Variants in IRS1 observed in about 807,000 individuals in gnomAD.
IRS1 encodes the protein insulin receptor substrate 1.
In IRS1, 34 loss-of-function variants were observed where a neutral mutation model predicts 65.6. That is an observed-to-expected ratio of 0.52 (90% confidence interval 0.39 to 0.69). The LOEUF (loss-of-function observed/expected upper bound fraction) is 0.69, where lower values mean the gene tolerates loss of function less well. IRS1 is among the 30% of genes least tolerant of loss of function. IRS1 has a pLI of 0.00. For synonymous variants in IRS1, 699 were observed against 683.5 expected, an observed-to-expected ratio of 1.02 and a Z score of -0.35; for missense variants, 1,641 against 1,720.2, an observed-to-expected ratio of 0.95 and a Z score of 0.81.
At chr2:226,764,034 C>A (rs1456378277) in intron 1 of IRS1, among the ~76,000 whole-genome samples, 1 of 151,884 alleles carries the variant, frequency 6.6e-6, no homozygotes, top group Non-Finnish European at 1.5e-5. Flanking sequence ...CTCTGTAGTT[C>A]ATGCCAAATG....
chr2:226,792,846 T>TTG (rs1173888507), intron 1 of IRS1, among the ~76,000 whole-genome samples: 1 of 151,924 alleles, frequency 6.6e-6, no homozygotes, highest in African/African-American at 2.4e-5. Context: ...AATAACATCT[T>TTG]TGGACTCAAC....
In IRS1 at chr2:226,731,500, A is replaced by G. The variant is rs1938220810; in HGVS notation, c.*4772T>C. On this transcript the variant is annotated 3_prime_UTR_variant, in exon 2 of 2. Transcript: ENST00000305123. ...AAATTGAAAATAAGCATAACACTAT[A>G]AAGAAAACTTGGAAAAGTGAAACAC... 6.6e-6 allele frequency: 1 copy of G among 152,218 alleles called. No homozygotes were observed. Among genetic ancestry groups the G allele is most frequent in the East Asian group, 1.9e-4 (1 of 5,204 alleles). 9.4% of individuals were successfully genotyped at this position (152,218 alleles called of 1,614,324 possible).
At chr2:226,755,130 C>T (rs1356666076) in intron 1 of IRS1, among the ~76,000 whole-genome samples, 2 of 152,194 alleles carry the variant, frequency 1.3e-5, no homozygotes, top group Non-Finnish European at 2.9e-5. Context: ...TTCCTTCGGT[C>T]CTTCCATCCT....
chr2:226,737,658 C>T lies in IRS1; in HGVS notation c.*22-1408G>A, dbSNP rs576281129. Among the ~76,000 whole-genome samples the T allele has an allele frequency of 1.1e-4, 16 of 152,258 alleles. No individual in the cohort carries two copies. The South Asian group carries it at 2.7e-3, about 26-fold the overall frequency. The stretch of plus-strand genomic sequence containing the variant: ...ATGGCATGTGAAGTAGACATCAGTA[C>T]ATGCCAAGATACATGCATGGGGGCA... On this transcript the variant is annotated intron_variant, in intron 1 of 1. Coordinates refer to ENST00000305123, the MANE Select transcript of IRS1 (RefSeq NM_005544.3).
At chr2:226,751,922 C>T (rs1938692967) in intron 1 of IRS1, among the ~76,000 whole-genome samples, 1 of 152,292 alleles carries the variant, frequency 6.6e-6, no homozygotes, top group South Asian at 2.1e-4. Context: ...ATCTTTATTA[C>T]TTGAGAGGCC....
intron 1 of IRS1, among the ~76,000 whole-genome samples, chr2:226,748,589 G>T (rs1025414419): frequency 3.3e-5 from 5 of 152,026 alleles, no homozygotes; most frequent in African/African-American, 1.2e-4. Flanking sequence ...GTTTCATAGA[G>T]GTTTTCCCTA....
At chr2:226,767,012 AT>A (rs1939064658) in intron 1 of IRS1, among the ~76,000 whole-genome samples, 1 of 152,148 alleles carries the variant, frequency 6.6e-6, no homozygotes, top group African/African-American at 2.4e-5. Context: ...AGTTAGTAAA[AT>A]CAAGTTAAAA....
At chr2:226,792,324 C>T (rs1238292298) in intron 1 of IRS1, 1 of 152,020 alleles carries the variant, frequency 6.6e-6, no homozygotes, top group East Asian at 1.9e-4. Context: ...GCTCTTTTTG[C>T]CCTGCTTCTT....
In IRS1 at chr2:226,799,767, C is replaced by A. The variant is rs943265763; in HGVS notation, c.-1029G>T. On this transcript the variant is annotated 5_prime_UTR_variant, in exon 1 of 2. Transcript: ENST00000305123. The surrounding 1 kb of genome is among the most constrained non-coding windows in gnomAD (Gnocchi z 6.1). ...CCTCCGACCGCGCCGCCGTCTCACT[C>A]GGAGGAGAAAAACACGTGACGGAGC... The A allele has an allele frequency of 2.0e-6, 2 of 997,304 alleles. No individual in the cohort carries two copies. The highest frequency in any genetic ancestry group is 2.4e-6 in the Non-Finnish European group (2 of 830,042). 61.8% of individuals were successfully genotyped at this position (997,304 alleles called of 1,614,324 possible).
chr2:226,798,985 G>T lies in IRS1; in HGVS notation c.-247C>A, dbSNP rs1939828274. ...TTCACGCCCGGCGGGGAGGCAGTGC[G>T]TCCGGGGTGAGGGCAGCCCCGATCC... On this transcript the variant is annotated 5_prime_UTR_variant, in exon 1 of 2. Transcript: ENST00000305123. The surrounding 1 kb of genome is among the most constrained non-coding windows in gnomAD (Gnocchi z 9.4). 5 of 1,438,786 alleles carry T rather than the reference G, an allele frequency of 3.5e-6. No homozygotes were observed. In the East Asian group the frequency reaches 1.3e-4, roughly 37 times the overall value. 89.1% of individuals were successfully genotyped at this position (1,438,786 alleles called of 1,614,324 possible). A position where few individuals can be genotyped will look rare whatever the true frequency, so the allele number is the denominator to read the frequency against.
chr2:226,781,905 C>CACAT (rs1426885008), intron 1 of IRS1, among the ~76,000 whole-genome samples: 5 of 150,226 alleles, frequency 3.3e-5, no homozygotes, highest in African/African-American at 1.2e-4. Context: ...CACACACACA[C>CACAT]ACGTTTGGGC....
intron 1 of IRS1, among the ~76,000 whole-genome samples, chr2:226,769,111 T>C (rs182389359): frequency 1.1e-3 from 168 of 152,308 alleles, no homozygotes; most frequent in African/African-American, 3.6e-3. Flanking sequence ...GAAGAGACCA[T>C]CAGAACCTAG....
intron 1 of IRS1, among the ~76,000 whole-genome samples, chr2:226,739,356 C>G (rs1228693448): frequency 6.6e-6 from 1 of 152,170 alleles, no homozygotes; most frequent in Non-Finnish European, 1.5e-5. Flanking sequence ...CTGTCCTTCA[C>G]AACAGCCAAC....
chr2:226,764,756 A>C (rs1411745018), intron 1 of IRS1, among the ~76,000 whole-genome samples: 3 of 152,142 alleles, frequency 2.0e-5, no homozygotes, highest in Non-Finnish European at 4.4e-5. Flanking sequence ...CGCGCAATTC[A>C]CCTCTTGGGT....
At chr2:226,777,730 C>A (rs1160381747) in intron 1 of IRS1, among the ~76,000 whole-genome samples, 4 of 152,114 alleles carry the variant, frequency 2.6e-5, no homozygotes, top group African/African-American at 7.2e-5. Context: ...TCTCTTTTTG[C>A]CTGCTTCCAT....
In IRS1 at chr2:226,753,485, G is replaced by A. The variant is rs111513202; in HGVS notation, c.*22-17235C>T. 2.2e-3 allele frequency among the ~76,000 whole-genome samples: 330 copies of A among 152,256 alleles called. 2 individuals are homozygous for A. The highest frequency in any genetic ancestry group is 7.0e-3 in the African/African-American group (291 of 41,554). On this transcript the variant is annotated intron_variant, in intron 1 of 1. Transcript: ENST00000305123. Reference sequence around the variant, plus strand: ...CCATGAAATGTAATTTTCTGAGACCGTGAATAAACTTACATTTGATTACAA... The same window carrying A: ...CCATGAAATGTAATTTTCTGAGACCATGAATAAACTTACATTTGATTACAA...
Position 226,735,664 on chromosome 2 carries a change from C to T in IRS1, c.*608G>A, listed in dbSNP as rs1472599490. The T allele has an allele frequency of 2.6e-5, 4 of 152,570 alleles. No homozygotes were observed. The highest frequency in any genetic ancestry group is 5.9e-5 in the Non-Finnish European group (4 of 68,026). The allele number at this position is 152,570 out of a possible 1,614,324, so 9.5% of individuals were successfully genotyped here. ...AAAACAAGGATCATACCCTATTCTA[C>T]TCTTTTAAGCCTTGTTTTAAGCATT... On this transcript the variant is annotated 3_prime_UTR_variant, in exon 2 of 2. Transcript: ENST00000305123.
At chr2:226,748,077 C>T (rs527960054) in intron 1 of IRS1, among the ~76,000 whole-genome samples, 21 of 151,388 alleles carry the variant, frequency 1.4e-4, no homozygotes, top group African/African-American at 3.4e-4. Flanking sequence ...ACATTACTTA[C>T]GTGACCCATT....
chr2:226,771,279 T>A (rs1235039455), intron 1 of IRS1, among the ~76,000 whole-genome samples: 1 of 152,058 alleles, frequency 6.6e-6, no homozygotes, highest in East Asian at 1.9e-4. Flanking sequence ...TATAGCTGGG[T>A]CCCCTTTCCT....
Sources: gnomAD v4.1 joint callset for allele counts (sites outside exome capture counted in the v4.1 genomes callset) on GRCh38, gnomAD v4.1.1 for gene constraint, Gnocchi (gnomAD v3.1) non-coding constraint, MANE v1.5 for transcripts, NCBI Gene and HGNC (gene_info 2026-07-23, HGNC 2026-07-21) for gene names.